The following NFIA variants were observed in gnomAD, a reference collection of about 807,000 sequenced individuals.
NFIA encodes nuclear factor I A, also known as nuclear factor 1 A-type.
Under a neutral mutation model 62.8 loss-of-function variants are expected in NFIA, and 8 were observed. The ratio of observed to expected loss-of-function variants is 0.13; its 90% CI spans 0.07 to 0.23. The LOEUF is 0.23. Ranked by LOEUF, NFIA falls within the 10% of genes least tolerant of loss-of-function variation. The probability of loss-of-function intolerance (pLI) is 1.00; values close to 1 mark genes in which losing one functional copy is unlikely to be tolerated. For synonymous variants in NFIA, 235 were observed against 238.1 expected (o/e 0.99, Z 0.12); for missense variants, 410 against 642.1 (o/e 0.64, Z 3.91).
At chr1:61,179,913 G>T (rs1650639625) in intron 2 of NFIA, among the ~76,000 whole-genome samples, 1 of 152,168 alleles carries the variant, frequency 6.6e-6, no homozygotes, top group African/African-American at 2.4e-5. Context: ...AGCCACAGTG[G>T]TTTTCATTTC....
intron 2 of NFIA, among the ~76,000 whole-genome samples, chr1:61,106,600 C>A (rs1000092019): frequency 6.6e-6 from 1 of 151,728 alleles, no homozygotes; most frequent in Non-Finnish European, 1.5e-5. Flanking sequence ...AAATCTGTTG[C>A]TAAAAAGCTG....
chr1:61,320,842 T>C (rs1451233430), intron 3 of NFIA, among the ~76,000 whole-genome samples: 1 of 152,176 alleles, frequency 6.6e-6, no homozygotes, highest in East Asian at 1.9e-4. Context: ...GGTGATCCAG[T>C]TTCATGTCTG....
At chr1:61,338,393 TG>T (rs1661730051) in intron 4 of NFIA, among the ~76,000 whole-genome samples, 1 of 152,192 alleles carries the variant, frequency 6.6e-6, no homozygotes, top group Non-Finnish European at 1.5e-5. Flanking sequence ...TGGCATGAGG[TG>T]GCACCCTAGT....
intron 5 of NFIA, among the ~76,000 whole-genome samples, chr1:61,353,344 C>T (rs967358738): frequency 1.3e-5 from 2 of 152,114 alleles, no homozygotes; most frequent in African/African-American, 4.8e-5. Context: ...GGTTCTTGCT[C>T]CCTTTAACGT....
intron 3 of NFIA, among the ~76,000 whole-genome samples, chr1:61,288,865 T>G (rs1303572973): frequency 6.6e-6 from 1 of 152,110 alleles, no homozygotes; most frequent in African/African-American, 2.4e-5. Context: ...CCTCCCAGGC[T>G]CAGGTGATGC....
intron 2 of NFIA, among the ~76,000 whole-genome samples, chr1:61,118,599 G>A (rs534905731): frequency 2.6e-5 from 4 of 151,978 alleles, no homozygotes; most frequent in East Asian, 1.9e-4. Context: ...GGATGAGGCC[G>A]CATTCATACT....
intron 6 of NFIA, among the ~76,000 whole-genome samples, chr1:61,378,549 T>A (rs151216592): frequency 3.6e-5 from 5 of 140,792 alleles, no homozygotes; most frequent in African/African-American, 1.4e-4. Flanking sequence ...TTGAATATCA[T>A]GTTTGTTTTC....
chr1:61,325,595 A>G (rs1660888699), intron 3 of NFIA, among the ~76,000 whole-genome samples: 1 of 152,222 alleles, frequency 6.6e-6, no homozygotes, highest in Non-Finnish European at 1.5e-5. Context: ...CTGTCTGATA[A>G]TACTGTGTGA....
intron 6 of NFIA, among the ~76,000 whole-genome samples, chr1:61,363,524 A>C (rs1211093176): frequency 6.6e-6 from 1 of 151,990 alleles, no homozygotes; most frequent in Non-Finnish European, 1.5e-5. Context: ...GAATTGGTTG[A>C]ACCTGGGAGG....
chr1:61,077,647 A>G (rs1484407101), upstream of NFIA: 2 of 1,411,014 alleles, frequency 1.4e-6, no homozygotes, highest in South Asian at 1.7e-5. Context: ...TACATCTTAA[A>G]CTTTCTATTT....
At chr1:61,349,231 G>T (rs1012589805) in intron 4 of NFIA, among the ~76,000 whole-genome samples, 2 of 151,182 alleles carry the variant, frequency 1.3e-5, no homozygotes, top group African/African-American at 2.4e-5. Flanking sequence ...AAGCCTCACC[G>T]TTTTTTTTTA....
rs969541133 is a variant in NFIA, at chr1:61,214,281, C to T, written c.560-63239C>T. ...TGTTCCTTGCTGGAAGTTGCTTTTC[C>T]AGTTTGGATCAAACCACTTAAGTGG... is the stretch of plus-strand genomic sequence containing the variant. On this transcript the variant is annotated intron_variant, in intron 2 of 10. Coordinates refer to ENST00000403491, the MANE Select transcript of NFIA (RefSeq NM_001134673.4). Among the ~76,000 whole-genome samples, 252 of 151,890 alleles carry T rather than the reference C, an allele frequency of 1.7e-3. 3 individuals carry two copies. The highest frequency in any genetic ancestry group is 4.6e-4 in the Non-Finnish European group (31 of 67,988).
intron 2 of NFIA, among the ~76,000 whole-genome samples, chr1:61,237,687 A>T (rs965756651): frequency 6.6e-6 from 1 of 152,230 alleles, no homozygotes; most frequent in Non-Finnish European, 1.5e-5. Flanking sequence ...TTCAAGATGC[A>T]CTATTTTGTG....
intron 2 of NFIA, among the ~76,000 whole-genome samples, chr1:61,265,957 T>A (rs987468730): frequency 6.6e-5 from 10 of 152,232 alleles, no homozygotes; most frequent in Admixed American, 1.3e-4. Context: ...TAATTGCACT[T>A]ATGATCAGCA....
chr1:61,405,619 T>A (rs1665778677), intron 8 of NFIA, among the ~76,000 whole-genome samples: 1 of 152,158 alleles, frequency 6.6e-6, no homozygotes, highest in Non-Finnish European at 1.5e-5. Flanking sequence ...ACTGAGCTGA[T>A]CACCAGCATC....
intron 5 of NFIA, 72 bp downstream of exon 5, chr1:61,352,639 C>T: frequency 8.3e-7 from 1 of 1,205,730 alleles, no homozygotes; most frequent in East Asian, 2.3e-5. Context: ...TCTGGGCCCA[C>T]TATGGATTTA....
intron 2 of NFIA, among the ~76,000 whole-genome samples, chr1:61,221,985 G>C (rs2100618388): frequency 6.6e-6 from 1 of 152,154 alleles, no homozygotes; most frequent in East Asian, 1.9e-4. Context: ...CTGAGCGTTT[G>C]GTCTTTGGGC....
intron 7 of NFIA, among the ~76,000 whole-genome samples, chr1:61,395,042 G>A (rs1665193256): frequency 6.6e-6 from 1 of 152,174 alleles, no homozygotes; most frequent in African/African-American, 2.4e-5. Context: ...GGGAAGCAGA[G>A]GTTGCAGTGA....
intron 2 of NFIA, among the ~76,000 whole-genome samples, chr1:61,182,480 A>G (rs1289625934): frequency 6.6e-6 from 1 of 152,256 alleles, no homozygotes; most frequent in Non-Finnish European, 1.5e-5. Flanking sequence ...AACAAATTCA[A>G]CTTTAGAAAT....
Sources: allele counts gnomAD v4.1 joint callset (sites outside exome capture counted in the v4.1 genomes callset), GRCh38; gene constraint gnomAD v4.1.1; transcripts MANE v1.5; gene names NCBI Gene and HGNC (gene_info 2026-07-23, HGNC 2026-07-21).